The following RUFY2 variants were observed in gnomAD, a reference collection of about 807,000 sequenced individuals.
RUFY2 encodes RUN and FYVE domain containing 2.
Under a neutral mutation model 94.4 loss-of-function variants are expected in RUFY2, and 49 were observed. That is an observed-to-expected ratio of 0.52 (90% CI 0.41 to 0.66). The LOEUF is 0.66. RUFY2 is among the 30% of genes least tolerant of loss of function. The probability of loss-of-function intolerance (pLI) is 0.00; values close to 1 mark genes in which losing one functional copy is unlikely to be tolerated. For missense variants in RUFY2, 541 were observed against 692.8 expected, an observed-to-expected ratio of 0.78 and a Z score of 2.46; for synonymous variants, 255 against 235.7, an observed-to-expected ratio of 1.08 and a Z score of -0.75.
intron 13 of RUFY2, among the ~76,000 whole-genome samples, chr10:68,368,596 T>C (rs1019364659): frequency 3.3e-5 from 5 of 151,342 alleles, no homozygotes; most frequent in African/African-American, 1.2e-4. Context: ...GAGGCGGAGG[T>C]TGCAGTGAGC....
intron 7 of RUFY2, 23 bp from the exon 8 acceptor site, chr10:68,386,151 C>G (rs771628753): frequency 6.3e-7 from 1 of 1,593,426 alleles, no homozygotes. Context: ...AACAAAAAAA[C>G]TCATTCAAAA....
chr10:68,391,993 CA>C (rs1474562170), intron 7 of RUFY2, among the ~76,000 whole-genome samples: 1 of 151,080 alleles, frequency 6.6e-6, no homozygotes, highest in African/African-American at 2.4e-5. Flanking sequence ...AACAAACAAA[CA>C]AAAAAACTAT....
At chr10:68,377,937 A>T in intron 12 of RUFY2, 1 of 985,378 alleles carries the variant, frequency 1.0e-6, no homozygotes, top group Non-Finnish European at 1.2e-6. Flanking sequence ...AGGGAGAGTA[A>T]CATTTAAGTT....
chr10:68,347,958 GAC>G (rs879580154), intron 16 of RUFY2, among the ~76,000 whole-genome samples: 1 of 152,124 alleles, frequency 6.6e-6, no homozygotes, highest in Non-Finnish European at 1.5e-5. Context: ...AGAAAAAAAA[GAC>G]AAAGCATTCA....
chr10:68,388,686 A>G (rs2049724278), intron 7 of RUFY2, among the ~76,000 whole-genome samples: 1 of 152,020 alleles, frequency 6.6e-6, no homozygotes, highest in Middle Eastern at 3.4e-3. Context: ...AATAAAAAAA[A>G]TTAGCTGGGT....
intron 13 of RUFY2, among the ~76,000 whole-genome samples, chr10:68,371,465 G>A (rs1025840040): frequency 5.9e-5 from 9 of 151,466 alleles, no homozygotes; most frequent in African/African-American, 1.7e-4. Flanking sequence ...GATGGCGCAC[G>A]CCTGTAGTTC....
rs1412783922 is a variant in RUFY2 at position 68,344,310 on chromosome 10, G to C, written c.*1458C>G. 2.0e-5 allele frequency: 3 copies of C among 152,102 alleles called. No individual in the cohort carries two copies. Among genetic ancestry groups the C allele is most frequent in the African/African-American group, 7.2e-5 (3 of 41,416 alleles). The allele number at this position is 152,102 out of a possible 1,614,324, so 9.4% of individuals were successfully genotyped here. On this transcript the variant is annotated 3_prime_UTR_variant, in exon 18 of 18. Coordinates refer to ENST00000602465, the MANE Select transcript of RUFY2 (RefSeq NM_001330103.2). ...ATAAGAACTCCTTTGTAGGCAGGGA[G>C]GTACCTAGGATTAACCACTAAATAT...
At position 68,374,941 on chromosome 10, in the gene RUFY2, A is replaced by G. The variant is rs7914536; in HGVS notation, c.1325+1912T>C. Among the ~76,000 whole-genome samples, 1,469 of 152,294 alleles carry G rather than the reference A, an allele frequency of 9.6e-3. 30 individuals are homozygous for G. Among genetic ancestry groups the G allele is most frequent in the African/African-American group, 0.034 (1,412 of 41,576 alleles). On this transcript the variant is annotated intron_variant, in intron 13 of 17. Transcript: ENST00000602465. ...ATCTGTATTCTTTAAAATCTTTTCTATCTATATATAAATATATATGCATGC... is the reference window on the plus strand; with the variant it reads ...ATCTGTATTCTTTAAAATCTTTTCTGTCTATATATAAATATATATGCATGC...
At position 68,377,074 on chromosome 10, in the gene RUFY2, T is replaced by G. The variant is rs549374657; in HGVS notation, c.1206-102A>C. The stretch of plus-strand genomic sequence containing the variant: ...AGAAAAATGGGGAAATAGAAACATT[T>G]CTAAATGAAAACAAAGTTTGGGGGA... On this transcript the variant is annotated intron_variant, in intron 12 of 17. Coordinates refer to ENST00000602465, the MANE Select transcript of RUFY2 (RefSeq NM_001330103.2). 6 of 1,541,246 alleles carry G rather than the reference T, an allele frequency of 3.9e-6. No homozygotes were observed. The African/African-American group carries it at 8.4e-5, about 22-fold the overall frequency.
At chr10:68,399,272 T>C (rs1350184586) in intron 3 of RUFY2, among the ~76,000 whole-genome samples, 3 of 152,096 alleles carry the variant, frequency 2.0e-5, no homozygotes, top group Admixed American at 2.0e-4. Flanking sequence ...TCTCGAACTC[T>C]TGGGCTCAGG....
At chr10:68,400,742 G>C (rs1184743864) in intron 3 of RUFY2, among the ~76,000 whole-genome samples, 1 of 151,652 alleles carries the variant, frequency 6.6e-6, no homozygotes, top group Non-Finnish European at 1.5e-5. Context: ...GCTTGGCGCG[G>C]TGGCTCACGC....
At chr10:68,342,393 A>G (rs372339442), downstream of RUFY2, 4 of 196,850 alleles carry the variant, frequency 2.0e-5, no homozygotes, top group East Asian at 4.2e-4. Context: ...ATTTTAGAGG[A>G]TAATGGTTCA....
Position 68,379,452 on chromosome 10 carries a change from T to A in RUFY2, c.1177A>T (p.Thr393Ser). Residue 393 changes from threonine (T) to serine (S), a missense_variant, in exon 12 of 18, where the codon ACT (threonine) becomes TCT (serine). By Grantham distance (58) the Thr-to-Ser change is moderately conservative. Transcript: ENST00000602465. ...ARLEEKTNKI[T>S]AAMRQLEQRL... ...TGTTCCAGCTGCCTCATGGCTGCAG[T>A]AATTTTATTGGTTTTTTCTTCTAGT... The A allele has an allele frequency of 6.2e-7, 1 of 1,612,928 alleles. No homozygotes were observed. Among genetic ancestry groups the A allele is most frequent in the African/African-American group, 1.3e-5 (1 of 74,896 alleles).
intron 15 of RUFY2, among the ~76,000 whole-genome samples, chr10:68,359,055 G>A (rs933027930): frequency 6.6e-5 from 10 of 151,872 alleles, no homozygotes; most frequent in Admixed American, 1.3e-4. Flanking sequence ...AAGGAGCATC[G>A]GTTACAATCC....
At chr10:68,404,573 C>T (rs962057067) in intron 2 of RUFY2, 98 bp downstream of exon 2, 1 of 721,448 alleles carries the variant, frequency 1.4e-6, no homozygotes, top group African/African-American at 1.8e-5. Context: ...TTTTAGTGCA[C>T]AGTAACGTAA....
Position 68,381,262 on chromosome 10 carries a change from T to C in RUFY2, c.1077A>G (p.Ala359=). The C allele has an allele frequency of 6.2e-7, 1 of 1,612,952 alleles. No individual in the cohort carries two copies. Among genetic ancestry groups the C allele is most frequent in the Non-Finnish European group, 8.5e-7 (1 of 1,179,632 alleles). ...GLRQQLEEVK[A]INIEMYQKLQ... ...ACTTTTGATACATCTCTATGTTAATTGCTTTAACTTCCTCTAGTTGTTGTC... is the reference window on the plus strand; with the variant it reads ...ACTTTTGATACATCTCTATGTTAATCGCTTTAACTTCCTCTAGTTGTTGTC... Residue 359 remains alanine, a synonymous_variant, in exon 11 of 18, where the codon GCA becomes GCG. Transcript: ENST00000602465.
At position 68,407,241 on chromosome 10, in the gene RUFY2, A is replaced by G. The variant is rs2051401469; in HGVS notation, c.-52T>C. Reference sequence around the variant, plus strand: ...CGGAGGCTCCCTCGGCCTGTCCAGCAGCTCCTTCCAGGCGCTCGGCGGCCA... The same window carrying G: ...CGGAGGCTCCCTCGGCCTGTCCAGCGGCTCCTTCCAGGCGCTCGGCGGCCA... On this transcript the variant is annotated 5_prime_UTR_variant, in exon 1 of 18. Coordinates refer to ENST00000602465, the MANE Select transcript of RUFY2 (RefSeq NM_001330103.2). The G allele has an allele frequency of 3.8e-6, 5 of 1,309,708 alleles. No homozygotes were observed. The highest frequency in any genetic ancestry group is 4.9e-6 in the Non-Finnish European group (5 of 1,030,076). 81.1% of individuals were successfully genotyped at this position (1,309,708 alleles called of 1,614,324 possible). A position where few individuals can be genotyped will look rare whatever the true frequency, so the allele number is the denominator to read the frequency against.
chr10:68,374,114 CAAA>C (rs34041522), intron 13 of RUFY2, among the ~76,000 whole-genome samples: 20 of 59,336 alleles, frequency 3.4e-4, no homozygotes, highest in Non-Finnish European at 2.3e-4. Context: ...GATCCTGTCC[CAAA>C]AAAAAAAAAA....
chr10:68,367,593 T>C (rs1056174863), intron 13 of RUFY2, among the ~76,000 whole-genome samples: 1 of 152,174 alleles, frequency 6.6e-6, no homozygotes, highest in Non-Finnish European at 1.5e-5. Flanking sequence ...CAGCTGGGGC[T>C]ACAGGTGTGT....
Sources: allele counts gnomAD v4.1 joint callset (sites outside exome capture counted in the v4.1 genomes callset), GRCh38; gene constraint gnomAD v4.1.1; transcripts MANE v1.5; gene names NCBI Gene and HGNC (gene_info 2026-07-23, HGNC 2026-07-21).